The following GRM1 variants were observed in gnomAD, a reference collection of about 807,000 sequenced individuals.
The protein encoded by GRM1 is glutamate metabotropic receptor 1.
A neutral mutation model predicts 90.9 loss-of-function variants in GRM1; 33 were observed. The observed-to-expected ratio is 0.36, with a 90% confidence interval of 0.28 to 0.49. GRM1 has a LOEUF of 0.49. Ranked by LOEUF, GRM1 falls within the 20% of genes least tolerant of loss-of-function variation. The pLI, the probability that GRM1 is intolerant of heterozygous loss-of-function variation, is 0.99. For synonymous variants in GRM1, 700 were observed against 613.2 expected (o/e 1.14, Z -2.09); for missense variants, 1,190 against 1,534.3 (o/e 0.78, Z 3.75).
intron 2 of GRM1, among the ~76,000 whole-genome samples, chr6:146,190,616 G>A (rs1429061434): frequency 6.6e-6 from 1 of 152,128 alleles, no homozygotes; most frequent in East Asian, 1.9e-4. Context: ...AACTTAAAAA[G>A]TAAAAAGAGG....
intron 1 of GRM1, among the ~76,000 whole-genome samples, chr6:146,120,090 ATTTG>A (rs1775923177): frequency 1.3e-5 from 2 of 152,250 alleles, no homozygotes; most frequent in Admixed American, 1.3e-4. Context: ...GTGTTCTTCC[ATTTG>A]TTTGTGTCCT....
At chr6:146,427,170 AG>A (rs1350616152) in intron 7 of GRM1, among the ~76,000 whole-genome samples, 1 of 152,178 alleles carries the variant, frequency 6.6e-6, no homozygotes, top group East Asian at 1.9e-4. Context: ...ACAAAACAAA[AG>A]TTTTGTGAGT....
chr6:146,222,564 CAGAG>C (rs1225261843), intron 2 of GRM1, among the ~76,000 whole-genome samples: 2 of 151,694 alleles, frequency 1.3e-5, no homozygotes, highest in African/African-American at 4.8e-5. Context: ...AAAGGAGAGA[CAGAG>C]AGAGAGAGAA....
intron 2 of GRM1, among the ~76,000 whole-genome samples, chr6:146,279,306 G>C (rs1295940332): frequency 6.6e-6 from 1 of 151,690 alleles, no homozygotes; most frequent in Non-Finnish European, 1.5e-5. Flanking sequence ...ATGACTTTTG[G>C]TTTCTTTGAT....
At chr6:146,224,983 A>T (rs764961719) in intron 2 of GRM1, among the ~76,000 whole-genome samples, 3 of 152,056 alleles carry the variant, frequency 2.0e-5, no homozygotes, top group African/African-American at 7.2e-5. Flanking sequence ...AATACAGGAG[A>T]TGCATCCCCT....
At chr6:146,181,702 C>G (rs1456410049) in intron 2 of GRM1, among the ~76,000 whole-genome samples, 1 of 152,050 alleles carries the variant, frequency 6.6e-6, no homozygotes, top group Non-Finnish European at 1.5e-5. Flanking sequence ...TCCTTTCTTT[C>G]GAATAACTAG....
rs569399330 is a variant in GRM1, at chr6:146,110,645, C to T, written c.701-48703C>T. On this transcript the variant is annotated intron_variant, in intron 1 of 7. Coordinates refer to ENST00000282753, the MANE Select transcript of GRM1 (RefSeq NM_001278064.2). ...ACTTTCCAAGGCTCCATTCAAGTCT[C>T]CCTCCTTCCTAAAAGCTGTTCCTGA... 2.0e-5 allele frequency among the ~76,000 whole-genome samples: 3 copies of T among 152,284 alleles called. No individual in the cohort carries two copies. In the South Asian group the frequency reaches 6.2e-4, roughly 32 times the overall value.
intron 3 of GRM1, among the ~76,000 whole-genome samples, chr6:146,310,674 C>T (rs1426235418): frequency 6.6e-6 from 1 of 152,192 alleles, no homozygotes; most frequent in Non-Finnish European, 1.5e-5. Flanking sequence ...AGAGACTTGA[C>T]CTACTCTCAT....
At position 146,220,605 on chromosome 6, in the gene GRM1, A is replaced by C. The variant is rs541982814; in HGVS notation, c.950+61008A>C. ...TGAATATTTTTTAGCATCTTCATTA[A>C]GACAAATATTTTTCCTTTTTCCTTC... On this transcript the variant is annotated intron_variant, in intron 2 of 7. Transcript: ENST00000282753. Among the ~76,000 whole-genome samples the C allele has an allele frequency of 2.0e-5, 3 of 152,288 alleles. No individual in the cohort carries two copies. The South Asian group carries it at 6.2e-4, about 32-fold the overall frequency.
chr6:146,247,569 T>G (rs1781103341), intron 2 of GRM1, among the ~76,000 whole-genome samples: 1 of 151,646 alleles, frequency 6.6e-6, no homozygotes, highest in Non-Finnish European at 1.5e-5. Flanking sequence ...GCCAACATGG[T>G]GAAACCCTGA....
At chr6:146,396,087 T>TCTATCTAC (rs1776917993) in intron 6 of GRM1, among the ~76,000 whole-genome samples, 1 of 148,770 alleles carries the variant, frequency 6.7e-6, no homozygotes, top group Admixed American at 6.7e-5. Context: ...TATCTATCTA[T>TCTATCTAC]CTATCTATCT....
chr6:146,069,185 T>C (rs913062058), intron 1 of GRM1, among the ~76,000 whole-genome samples: 1 of 152,168 alleles, frequency 6.6e-6, no homozygotes, highest in Non-Finnish European at 1.5e-5. Flanking sequence ...TTCTATTGCT[T>C]TTTATGTTTC....
chr6:146,200,845 G>A (rs919787182), intron 2 of GRM1, among the ~76,000 whole-genome samples: 26 of 152,066 alleles, frequency 1.7e-4, no homozygotes, highest in African/African-American at 5.3e-4. Flanking sequence ...AAATTGCTAC[G>A]CAGTTCAAAT....
At position 146,434,177 on chromosome 6, in the gene GRM1, C is replaced by T. The variant is rs752682312; in HGVS notation, c.2966C>T (p.Pro989Leu). 3.7e-6 allele frequency: 6 copies of T among 1,613,388 alleles called. No homozygotes were observed. Among genetic ancestry groups the T allele is most frequent in the African/African-American group, 2.7e-5 (2 of 74,912 alleles). The change falls in exon 8 of 8, where the codon CCG becomes CTG. Residue 989 changes from proline (P) to leucine (L), a missense_variant. By Grantham distance (98) the Pro-to-Leu change is moderately conservative (BLOSUM62 -3). Transcript: ENST00000282753. ...HRRVPSAATT[P>L]PLPSHLTAEE... ...CGCGTGCCAAGCGCGGCGACCACTC[C>T]GCCTCTGCCGTCCCACCTGACCGCA...
At chr6:146,211,330 C>T (rs1420286621) in intron 2 of GRM1, among the ~76,000 whole-genome samples, 1 of 148,552 alleles carries the variant, frequency 6.7e-6, no homozygotes, top group Non-Finnish European at 1.5e-5. Flanking sequence ...GAAGACAGAA[C>T]CCAGTCTCTA....
At chr6:146,116,102 C>T (rs1017198969) in intron 1 of GRM1, among the ~76,000 whole-genome samples, 7 of 152,106 alleles carry the variant, frequency 4.6e-5, no homozygotes, top group South Asian at 2.1e-4. Flanking sequence ...AAGCATATGC[C>T]GTGATGCTTG....
chr6:146,030,036 C>T lies in GRM1; in HGVS notation c.519C>T (p.Asn173=), dbSNP rs776551927. 3 of 1,614,204 alleles carry T rather than the reference C, an allele frequency of 1.9e-6. No homozygotes were observed. Among genetic ancestry groups the T allele is most frequent in the Non-Finnish European group, 2.5e-6 (3 of 1,180,038 alleles). Residue 173 remains asparagine, a synonymous_variant, in exon 1 of 8, where the codon AAC becomes AAT. Coordinates refer to ENST00000282753, the MANE Select transcript of GRM1 (RefSeq NM_001278064.2). ...GCTCTGTAGCCATTCAAGTGCAGAA[C>T]CTGCTCCAGCTCTTCGACATCCCCC... ...GSSSVAIQVQ[N]LLQLFDIPQI...
intron 2 of GRM1, among the ~76,000 whole-genome samples, chr6:146,185,938 A>C (rs1455043721): frequency 1.3e-5 from 2 of 151,430 alleles, no homozygotes; most frequent in Non-Finnish European, 3.0e-5. Context: ...TGCTATAGAC[A>C]TACTTTTTTT....
chr6:146,308,301 C>T (rs1488734805), intron 3 of GRM1, among the ~76,000 whole-genome samples: 5 of 152,154 alleles, frequency 3.3e-5, no homozygotes, highest in African/African-American at 9.7e-5. Context: ...CAACAATATC[C>T]ACCTCACACA....
Sources: gnomAD v4.1 joint callset for allele counts (sites outside exome capture counted in the v4.1 genomes callset) on GRCh38, gnomAD v4.1.1 for gene constraint, MANE v1.5 for transcripts, NCBI Gene and HGNC (gene_info 2026-07-23, HGNC 2026-07-21) for gene names.